The following CGGBP1 variants were observed in gnomAD, a reference collection of about 807,000 sequenced individuals.
CGGBP1 encodes CGG triplet repeat-binding protein 1.
Under a neutral mutation model 11.4 loss-of-function variants are expected in CGGBP1, and 4 were observed. The ratio of observed to expected loss-of-function variants is 0.35; its 90% confidence interval spans 0.17 to 0.80. CGGBP1 has a LOEUF of 0.80. Ranked by LOEUF, CGGBP1 falls within the 30% of genes least tolerant of loss-of-function variation. CGGBP1 has a pLI of 0.52. For missense variants in CGGBP1, 135 were observed against 202.1 expected, an observed-to-expected ratio of 0.67 and a Z score of 2.01; for synonymous variants, 76 against 74.1, an observed-to-expected ratio of 1.03 and a Z score of -0.13.
chr3:88,089,788 T>A (rs952533670), intron 2 of CGGBP1, among the ~76,000 whole-genome samples: 1 of 152,198 alleles, frequency 6.6e-6, no homozygotes, highest in Non-Finnish European at 1.5e-5. Flanking sequence ...TTCCTACTGC[T>A]TAGATTAATC....
At chr3:88,127,306 A>C (rs1167528291) in intron 2 of CGGBP1, among the ~76,000 whole-genome samples, 1 of 152,114 alleles carries the variant, frequency 6.6e-6, no homozygotes, top group South Asian at 2.1e-4. Context: ...GAATGCAGTT[A>C]AGTGGAGGAG....
intron 2 of CGGBP1, among the ~76,000 whole-genome samples, chr3:88,085,368 C>A (rs1164254874): frequency 1.3e-5 from 2 of 152,150 alleles, no homozygotes; most frequent in Non-Finnish European, 2.9e-5. Context: ...TCCAATAAAA[C>A]CTTATTTATA....
At chr3:88,068,065 G>T (rs1203510367) in intron 2 of CGGBP1, among the ~76,000 whole-genome samples, 3 of 152,124 alleles carry the variant, frequency 2.0e-5, no homozygotes, top group Non-Finnish European at 4.4e-5. Context: ...TTATATAGGA[G>T]TTTTGTGGTA....
At chr3:88,141,540 C>T (rs1309932392) in intron 1 of CGGBP1, 8 of 778,694 alleles carry the variant, frequency 1.0e-5, no homozygotes, top group Non-Finnish European at 1.5e-5. Flanking sequence ...CTACTAATAT[C>T]AATATCCTTT....
At chr3:88,140,162 G>T in intron 2 of CGGBP1, 1 of 1,613,744 alleles carries the variant, frequency 6.2e-7, no homozygotes, top group South Asian at 1.1e-5. Flanking sequence ...TGCCGTTCCA[G>T]CTTGCCCAGC....
At chr3:88,127,121 A>G (rs984277457) in intron 2 of CGGBP1, among the ~76,000 whole-genome samples, 15 of 152,210 alleles carry the variant, frequency 9.9e-5, no homozygotes, top group African/African-American at 3.6e-4. Context: ...AACATTTAAA[A>G]GTGTGGAGAG....
chr3:88,057,363 A>G (rs1380214194), intron 2 of CGGBP1, 71 bp from the exon 3 acceptor site: 1 of 150,200 alleles, frequency 6.7e-6, no homozygotes, highest in Non-Finnish European at 1.5e-5. Context: ...TTTTAAGTGC[A>G]CAGCTCTCAT....
intron 2 of CGGBP1, among the ~76,000 whole-genome samples, chr3:88,082,129 ATTT>A (rs780949287): frequency 7.1e-6 from 1 of 141,690 alleles, no homozygotes; most frequent in Non-Finnish European, 1.6e-5. Context: ...TTGTTAATCA[ATTT>A]TTTTTTTTTT....
chr3:88,103,654 A>C (rs953824773), intron 2 of CGGBP1, among the ~76,000 whole-genome samples: 14 of 152,172 alleles, frequency 9.2e-5, no homozygotes, highest in Non-Finnish European at 2.1e-4. Context: ...AAAAGACATG[A>C]TCCAAAGAAG....
chr3:88,081,872 A>T (rs1187432483), intron 2 of CGGBP1, among the ~76,000 whole-genome samples: 1 of 152,150 alleles, frequency 6.6e-6, no homozygotes, highest in Non-Finnish European at 1.5e-5. Context: ...TGCTTCTAGG[A>T]TCTCTCAATG....
At chr3:88,083,941 T>TTTTATATATATATATATATA (rs1479978285) in intron 2 of CGGBP1, among the ~76,000 whole-genome samples, 2 of 147,812 alleles carry the variant, frequency 1.4e-5, no homozygotes, top group Non-Finnish European at 3.0e-5. Flanking sequence ...TGTACTTATT[T>TTTTATATATATATATATATA]TATATATATA....
intron 2 of CGGBP1, chr3:88,113,115 G>C (rs1180662371): frequency 6.5e-7 from 1 of 1,527,732 alleles, no homozygotes; most frequent in Non-Finnish European, 8.8e-7. Context: ...TTCTTTCTAG[G>C]AGTTTCTTTG....
At chr3:88,117,719 A>G (rs1705495740) in intron 2 of CGGBP1, among the ~76,000 whole-genome samples, 1 of 152,192 alleles carries the variant, frequency 6.6e-6, no homozygotes, top group African/African-American at 2.4e-5. Flanking sequence ...AATAATCTGG[A>G]ACTAGGATCT....
At chr3:88,126,432 A>G (rs1298678671) in intron 2 of CGGBP1, among the ~76,000 whole-genome samples, 2 of 152,136 alleles carry the variant, frequency 1.3e-5, no homozygotes, top group Non-Finnish European at 2.9e-5. Context: ...AACTGGCCCA[A>G]AGTGACTTCT....
chr3:88,059,459 G>T, upstream of CGGBP1: 3 of 1,522,656 alleles, frequency 2.0e-6, no homozygotes, highest in South Asian at 2.4e-5. Context: ...AACTGCGGCG[G>T]CGGCGTCGGA....
chr3:88,135,034 A>G (rs1706689501), intron 2 of CGGBP1: 1 of 1,348,458 alleles, frequency 7.4e-7, no homozygotes, highest in East Asian at 2.9e-5. Context: ...TGTATTTTTG[A>G]TAATTCTCTT....
chr3:88,107,319 G>T (rs1272268874), intron 2 of CGGBP1, among the ~76,000 whole-genome samples: 1 of 152,086 alleles, frequency 6.6e-6, no homozygotes. Flanking sequence ...ACTTCAAATT[G>T]TCAAAATTCG....
At chr3:88,119,222 C>T (rs1233081442) in intron 2 of CGGBP1, among the ~76,000 whole-genome samples, 2 of 147,844 alleles carry the variant, frequency 1.4e-5, no homozygotes, top group East Asian at 2.0e-4. Flanking sequence ...ATGATGAGTT[C>T]ATGTCCTTTG....
chr3:88,067,890 T>C (rs896390407), intron 2 of CGGBP1, among the ~76,000 whole-genome samples: 2 of 151,886 alleles, frequency 1.3e-5, no homozygotes, highest in African/African-American at 2.4e-5. Context: ...TTCTTTCTTT[T>C]TTTTTTTTTA....
Sources: allele counts gnomAD v4.1 joint callset (sites outside exome capture counted in the v4.1 genomes callset), GRCh38; gene constraint gnomAD v4.1.1; transcripts MANE v1.5; gene names NCBI Gene and HGNC (gene_info 2026-07-23, HGNC 2026-07-21).